The following RFWD3 variants were observed in gnomAD, a reference collection of about 807,000 sequenced individuals.
RFWD3 encodes the protein E3 ubiquitin-protein ligase RFWD3.
In RFWD3, 65 loss-of-function variants were observed where a neutral mutation model predicts 87.7. The observed-to-expected ratio is 0.74, with a 90% CI of 0.61 to 0.91. RFWD3 has a LOEUF of 0.91. Among genes scored for constraint, RFWD3 ranks in the 40% least tolerant of loss-of-function variants. The pLI, the probability that RFWD3 is intolerant of heterozygous loss-of-function variation, is 0.00. For synonymous variants in RFWD3, 433 were observed against 352.8 expected (o/e 1.23, Z -2.55); for missense variants, 1,078 against 938.5 (o/e 1.15, Z -1.94).
At chr16:74,649,450 C>T (rs1175381542) in intron 3 of RFWD3, among the ~76,000 whole-genome samples, 1 of 152,202 alleles carries the variant, frequency 6.6e-6, no homozygotes, top group Non-Finnish European at 1.5e-5. Flanking sequence ...AAGTACCCAT[C>T]ACTCAATTTA....
intron 8 of RFWD3, among the ~76,000 whole-genome samples, chr16:74,635,307 A>T (rs1024927827): frequency 2.7e-5 from 4 of 148,692 alleles, no homozygotes; most frequent in African/African-American, 4.9e-5. Flanking sequence ...AATAAAAAAT[A>T]AAAAAAAAAA....
chr16:74,633,730 G>C (rs1485060976), intron 8 of RFWD3, among the ~76,000 whole-genome samples: 1 of 152,006 alleles, frequency 6.6e-6, no homozygotes, highest in South Asian at 2.1e-4. Context: ...TGGGTGGCTC[G>C]CTTGAGATCA....
intron 6 of RFWD3, chr16:74,644,154 C>G (rs535937208): frequency 1.6e-6 from 1 of 616,540 alleles, no homozygotes; most frequent in East Asian, 2.8e-5. Flanking sequence ...TAATGCTCTA[C>G]ATAAGGCAAA....
intron 2 of RFWD3, among the ~76,000 whole-genome samples, chr16:74,658,812 G>T (rs1961202712): frequency 6.7e-6 from 1 of 149,530 alleles, no homozygotes; most frequent in Admixed American, 6.7e-5. Flanking sequence ...TTGTCACCCA[G>T]GCTGGATTAC....
At chr16:74,633,254 G>C (rs1185332955) in intron 8 of RFWD3, among the ~76,000 whole-genome samples, 1 of 135,972 alleles carries the variant, frequency 7.4e-6, no homozygotes, top group Non-Finnish European at 1.5e-5. Context: ...TCCAGCGTGG[G>C]CAACCAGAGC....
intron 4 of RFWD3, among the ~76,000 whole-genome samples, chr16:74,647,608 T>C (rs1380516198): frequency 6.6e-6 from 1 of 151,180 alleles, no homozygotes; most frequent in Non-Finnish European, 1.5e-5. Context: ...TTACTATTCT[T>C]TGAGATGAAG....
chr16:74,643,860 G>C (rs1959881500), intron 6 of RFWD3: 3 of 164,502 alleles, frequency 1.8e-5, no homozygotes, highest in African/African-American at 4.8e-5. Flanking sequence ...GTATTTTTTA[G>C]TAGAGACGGG....
intron 12 of RFWD3, among the ~76,000 whole-genome samples, chr16:74,624,753 T>A (rs1958872211): frequency 6.6e-6 from 1 of 152,154 alleles, no homozygotes; most frequent in African/African-American, 2.4e-5. Flanking sequence ...TCCAACACTT[T>A]GGGAGTCTGA....
At chr16:74,640,832 G>C (rs1474203846) in intron 6 of RFWD3, among the ~76,000 whole-genome samples, 1 of 151,962 alleles carries the variant, frequency 6.6e-6, no homozygotes, top group Non-Finnish European at 1.5e-5. Context: ...TCAGCTACTC[G>C]TAAGGCTGAG....
At position 74,623,816 on chromosome 16, in the gene RFWD3, G is replaced by C. The variant is rs1188650130; in HGVS notation, c.*112C>G. On this transcript the variant is annotated 3_prime_UTR_variant, in exon 13 of 13. Coordinates refer to ENST00000361070, the MANE Select transcript of RFWD3 (RefSeq NM_018124.4). Reference sequence around the variant, plus strand: ...AATCATACTAATGCAAACAAACCATGATTCCCAATGTTCTAGACTGCAGAC... The same window carrying C: ...AATCATACTAATGCAAACAAACCATCATTCCCAATGTTCTAGACTGCAGAC... 1 of 1,184,630 alleles carries C rather than the reference G, an allele frequency of 8.4e-7. No homozygotes were observed. The highest frequency in any genetic ancestry group is 1.2e-6 in the Non-Finnish European group (1 of 825,274). 73.4% of individuals were successfully genotyped at this position (1,184,630 alleles called of 1,614,324 possible).
At chr16:74,638,953 T>A (rs999007881) in intron 6 of RFWD3, among the ~76,000 whole-genome samples, 1 of 152,144 alleles carries the variant, frequency 6.6e-6, no homozygotes, top group African/African-American at 2.4e-5. Flanking sequence ...TATAGTATGT[T>A]ACCATAATGA....
intron 2 of RFWD3, among the ~76,000 whole-genome samples, chr16:74,655,474 C>G (rs1960897926): frequency 6.6e-6 from 1 of 150,458 alleles, no homozygotes; most frequent in Admixed American, 6.6e-5. Context: ...GTCTCGATCT[C>G]CTGACCTCGT....
At chr16:74,631,018 G>A in intron 9 of RFWD3, 61 bp from the exon 10 acceptor site, 1 of 1,392,186 alleles carries the variant, frequency 7.2e-7, no homozygotes, top group Non-Finnish European at 9.9e-7. Context: ...TGACAAAGAT[G>A]TAAAGATTAT....
intron 10 of RFWD3, among the ~76,000 whole-genome samples, chr16:74,630,118 TG>T (rs1354954124): frequency 6.6e-6 from 1 of 152,028 alleles, no homozygotes; most frequent in Non-Finnish European, 1.5e-5. Flanking sequence ...TTTCTTGAGA[TG>T]GCGTCTCACT....
intron 4 of RFWD3, among the ~76,000 whole-genome samples, chr16:74,645,436 G>A (rs770812326): frequency 6.6e-6 from 1 of 152,216 alleles, no homozygotes; most frequent in Non-Finnish European, 1.5e-5. Flanking sequence ...AATGATCCCA[G>A]AGGTACTTAA....
intron 6 of RFWD3, among the ~76,000 whole-genome samples, chr16:74,639,577 A>G (rs1389239590): frequency 1.3e-5 from 2 of 152,242 alleles, no homozygotes; most frequent in East Asian, 3.8e-4. Flanking sequence ...GACTGAAAAG[A>G]CTATCACAAA....
chr16:74,654,494 T>C (rs933894701), intron 2 of RFWD3, among the ~76,000 whole-genome samples: 1 of 152,110 alleles, frequency 6.6e-6, no homozygotes. Flanking sequence ...CCACCAGCCA[T>C]TCCCCTCCCT....
At chr16:74,666,054 G>A (rs1400852634) in intron 1 of RFWD3, among the ~76,000 whole-genome samples, 1 of 152,026 alleles carries the variant, frequency 6.6e-6, no homozygotes, top group Non-Finnish European at 1.5e-5. Context: ...GAGGGAGAGG[G>A]AGAGGCGGAG....
At chr16:74,638,211 C>T (rs1035786585) in intron 6 of RFWD3, among the ~76,000 whole-genome samples, 57 of 151,916 alleles carry the variant, frequency 3.8e-4, no homozygotes, top group South Asian at 4.1e-4. Context: ...ACAGGCAAAA[C>T]GAGAGAACAG....
Sources: gnomAD v4.1 joint callset for allele counts (sites outside exome capture counted in the v4.1 genomes callset) on GRCh38, gnomAD v4.1.1 for gene constraint, MANE v1.5 for transcripts, NCBI Gene and HGNC (gene_info 2026-07-23, HGNC 2026-07-21) for gene names.